CDH18: variants seen among roughly 807,000 people sequenced by gnomAD.
CDH18 encodes cadherin 18, also known as cadherin-18.
Under a neutral mutation model 67.9 loss-of-function variants are expected in CDH18, and 31 were observed. The observed-to-expected ratio is 0.46, with a 90% CI of 0.34 to 0.62. The LOEUF is 0.62. Among genes scored for constraint, CDH18 ranks in the 20% least tolerant of loss-of-function variants. The pLI, the probability that CDH18 is intolerant of heterozygous loss-of-function variation, is 0.01. For missense variants in CDH18, 890 were observed against 975.5 expected, an observed-to-expected ratio of 0.91 and a Z score of 1.17; for synonymous variants, 362 against 347.2, an observed-to-expected ratio of 1.04 and a Z score of -0.48.
intron 2 of CDH18, among the ~76,000 whole-genome samples, chr5:19,951,210 A>AG (rs1795753997): frequency 6.6e-6 from 1 of 152,170 alleles, no homozygotes; most frequent in East Asian, 1.9e-4. Flanking sequence ...ATAATGCATC[A>AG]GCTAAGTATT....
At chr5:19,730,933 T>C (rs1767510438) in intron 4 of CDH18, among the ~76,000 whole-genome samples, 2 of 152,074 alleles carry the variant, frequency 1.3e-5, no homozygotes, top group South Asian at 2.1e-4. Flanking sequence ...TCAGAAGCAA[T>C]TGAGGGAACA....
At chr5:19,608,147 G>A (rs1748361929) in intron 6 of CDH18, among the ~76,000 whole-genome samples, 1 of 151,632 alleles carries the variant, frequency 6.6e-6, no homozygotes, top group African/African-American at 2.4e-5. Context: ...GAATAAACTT[G>A]AATGAAATTT....
chr5:19,726,485 G>A (rs1766864148), intron 4 of CDH18, among the ~76,000 whole-genome samples: 9 of 152,096 alleles, frequency 5.9e-5, no homozygotes, highest in Admixed American at 5.9e-4. Flanking sequence ...GCTGGTTGAA[G>A]GGAGCACACA....
intron 2 of CDH18, among the ~76,000 whole-genome samples, chr5:20,138,041 T>A (rs887506276): frequency 6.6e-6 from 1 of 151,986 alleles, no homozygotes; most frequent in East Asian, 1.9e-4. Context: ...ATATCCCTGA[T>A]GAACATTGAT....
chr5:20,448,992 A>AATATATATAT (rs34431118), intron 1 of CDH18, among the ~76,000 whole-genome samples: 36 of 148,836 alleles, frequency 2.4e-4, no homozygotes, highest in African/African-American at 8.8e-4. Flanking sequence ...CTGTTGCATG[A>AATATATATAT]ATATATATAT....
intron 5 of CDH18, among the ~76,000 whole-genome samples, chr5:19,647,822 G>A (rs1335501469): frequency 6.6e-6 from 1 of 152,030 alleles, no homozygotes; most frequent in African/African-American, 2.4e-5. Flanking sequence ...AATAGAGGAG[G>A]TGTCCACCAA....
intron 1 of CDH18, among the ~76,000 whole-genome samples, chr5:20,424,254 A>C (rs1748099311): frequency 6.6e-6 from 1 of 150,862 alleles, no homozygotes; most frequent in Admixed American, 6.6e-5. Flanking sequence ...ATAAAAAAGA[A>C]GTTTCTGTGA....
chr5:19,935,865 T>C (rs1330588087), intron 2 of CDH18, among the ~76,000 whole-genome samples: 1 of 149,954 alleles, frequency 6.7e-6, no homozygotes, highest in Non-Finnish European at 1.5e-5. Context: ...CAATGCTCAT[T>C]TCCAAACTTG....
intron 2 of CDH18, among the ~76,000 whole-genome samples, chr5:20,092,584 C>A (rs1023993745): frequency 2.6e-5 from 4 of 152,018 alleles, no homozygotes; most frequent in African/African-American, 4.8e-5. Context: ...TCTTTGATGA[C>A]TGGTATTGAA....
At chr5:20,135,161 G>C (rs1404073612) in intron 2 of CDH18, among the ~76,000 whole-genome samples, 1 of 152,096 alleles carries the variant, frequency 6.6e-6, no homozygotes, top group Non-Finnish European at 1.5e-5. Flanking sequence ...TGCTGTGACT[G>C]CATTTCACAG....
At chr5:20,345,258 TGGG>T (rs1740606946) in intron 1 of CDH18, among the ~76,000 whole-genome samples, 1 of 104,836 alleles carries the variant, frequency 9.5e-6, no homozygotes. Context: ...ATTTGTATAT[TGGG>T]GTATATTGGG....
At chr5:20,443,766 A>G (rs1365963842) in intron 1 of CDH18, among the ~76,000 whole-genome samples, 1 of 151,882 alleles carries the variant, frequency 6.6e-6, no homozygotes, top group Non-Finnish European at 1.5e-5. Context: ...TCATTTCTCT[A>G]TCTCTCATTG....
chr5:20,174,284 C>T (rs1367204851), intron 2 of CDH18, among the ~76,000 whole-genome samples: 1 of 152,112 alleles, frequency 6.6e-6, no homozygotes, highest in Non-Finnish European at 1.5e-5. Context: ...TGTAGATGAG[C>T]TTATTATAGC....
chr5:19,863,064 G>C (rs1226558816), intron 2 of CDH18, among the ~76,000 whole-genome samples: 2 of 152,090 alleles, frequency 1.3e-5, no homozygotes, highest in African/African-American at 4.8e-5. Flanking sequence ...AACAGATTTA[G>C]GATTGACTAA....
intron 7 of CDH18, among the ~76,000 whole-genome samples, chr5:19,575,682 C>T (rs1438497770): frequency 6.6e-6 from 1 of 152,088 alleles, no homozygotes; most frequent in Non-Finnish European, 1.5e-5. Context: ...CTACTATATT[C>T]GTTTCCTAGG....
At chr5:19,677,748 G>A (rs1361760137) in intron 5 of CDH18, among the ~76,000 whole-genome samples, 1 of 151,708 alleles carries the variant, frequency 6.6e-6, no homozygotes, top group African/African-American at 2.4e-5. Context: ...ACAGAAGGCA[G>A]GTGTTAGCAA....
At chr5:20,463,603 C>A (rs1270194367) in intron 1 of CDH18, among the ~76,000 whole-genome samples, 1 of 152,104 alleles carries the variant, frequency 6.6e-6, no homozygotes, top group Non-Finnish European at 1.5e-5. Flanking sequence ...TTCATGAGAA[C>A]AGCATGGGGG....
At chr5:19,560,117 C>A (rs931364191) in intron 8 of CDH18, among the ~76,000 whole-genome samples, 1 of 151,812 alleles carries the variant, frequency 6.6e-6, no homozygotes, top group African/African-American at 2.4e-5. Context: ...CAATGCAGTT[C>A]TTAACAAAAT....
intron 5 of CDH18, among the ~76,000 whole-genome samples, chr5:19,712,474 A>G (rs1764823204): frequency 6.6e-6 from 1 of 151,908 alleles, no homozygotes; most frequent in South Asian, 2.1e-4. Flanking sequence ...GGAATGTAAA[A>G]ATGTTACTCA....
Sources: gnomAD v4.1 joint callset for allele counts (sites outside exome capture counted in the v4.1 genomes callset) on GRCh38, gnomAD v4.1.1 for gene constraint, MANE v1.5 for transcripts, NCBI Gene and HGNC (gene_info 2026-07-23, HGNC 2026-07-21) for gene names.